Variants in POU6F2 observed in about 807,000 individuals in gnomAD.
POU6F2 encodes the protein POU domain, class 6, transcription factor 2.
In POU6F2, 31 loss-of-function variants were observed where a neutral mutation model predicts 71.3. The observed-to-expected ratio is 0.43, with a 90% CI of 0.33 to 0.59. POU6F2 has a LOEUF of 0.59. POU6F2 is among the 20% of genes least tolerant of loss of function. The pLI is 0.04. For synonymous variants in POU6F2, 347 were observed against 355.7 expected (o/e 0.98, Z 0.27); for missense variants, 783 against 856.8 (o/e 0.91, Z 1.07).
intron 1 of POU6F2, among the ~76,000 whole-genome samples, chr7:39,067,904 T>C (rs1370688327): frequency 6.6e-6 from 1 of 152,136 alleles, no homozygotes; most frequent in Non-Finnish European, 1.5e-5. Flanking sequence ...AAAAAAATTT[T>C]AAGGATAATA....
intron 1 of POU6F2, among the ~76,000 whole-genome samples, chr7:39,003,868 T>C (rs1788983975): frequency 6.6e-6 from 1 of 152,028 alleles, no homozygotes; most frequent in Non-Finnish European, 1.5e-5. Flanking sequence ...TAATGTTAAG[T>C]GAAAAAAAAT....
intron 5 of POU6F2, among the ~76,000 whole-genome samples, chr7:39,387,544 G>A (rs1038095335): frequency 2.0e-4 from 31 of 152,292 alleles, no homozygotes; most frequent in Middle Eastern, 3.4e-3. Context: ...ATATTGGAAT[G>A]TCAGGATCAA....
At chr7:39,443,908 G>C (rs1346171865) in intron 7 of POU6F2, among the ~76,000 whole-genome samples, 1 of 152,154 alleles carries the variant, frequency 6.6e-6, no homozygotes, top group East Asian at 1.9e-4. Context: ...AGTTCTGAAG[G>C]TAAAATATGT....
chr7:39,438,806 T>C (rs1341062418), intron 7 of POU6F2, among the ~76,000 whole-genome samples: 2 of 152,274 alleles, frequency 1.3e-5, no homozygotes, highest in Non-Finnish European at 2.9e-5. Context: ...ATAAGTGCCA[T>C]GTGGCACTGA....
At chr7:39,250,725 C>T (rs1319360019) in intron 4 of POU6F2, among the ~76,000 whole-genome samples, 2 of 152,160 alleles carry the variant, frequency 1.3e-5, no homozygotes, top group African/African-American at 2.4e-5. Context: ...TCACATTCAC[C>T]TCGGCCATTT....
intron 1 of POU6F2, among the ~76,000 whole-genome samples, chr7:39,062,099 G>A (rs1429958766): frequency 6.6e-6 from 1 of 152,110 alleles, no homozygotes; most frequent in Non-Finnish European, 1.5e-5. Flanking sequence ...CTTAGTGTGA[G>A]TTCATGGATA....
chr7:39,389,081 T>C (rs1477736174), intron 5 of POU6F2, among the ~76,000 whole-genome samples: 1 of 152,206 alleles, frequency 6.6e-6, no homozygotes, highest in Non-Finnish European at 1.5e-5. Flanking sequence ...TCTGTATTGG[T>C]CATAGTGTTA....
At chr7:39,093,723 T>C (rs1426775708) in intron 2 of POU6F2, among the ~76,000 whole-genome samples, 1 of 152,136 alleles carries the variant, frequency 6.6e-6, no homozygotes, top group African/African-American at 2.4e-5. Context: ...AAGACTGATA[T>C]TAACACAGTG....
intron 7 of POU6F2, among the ~76,000 whole-genome samples, chr7:39,449,340 T>C (rs1166834754): frequency 6.6e-6 from 1 of 152,148 alleles, no homozygotes; most frequent in East Asian, 1.9e-4. Flanking sequence ...GAAGGGGAAA[T>C]AGCTCCTTAA....
intron 2 of POU6F2, among the ~76,000 whole-genome samples, chr7:39,099,364 G>A (rs1562705568): frequency 6.6e-6 from 1 of 152,226 alleles, no homozygotes; most frequent in Non-Finnish European, 1.5e-5. Flanking sequence ...CCTCCCAGGG[G>A]CATCCGCTGT....
intron 2 of POU6F2, among the ~76,000 whole-genome samples, chr7:39,114,914 G>A (rs953909876): frequency 6.6e-6 from 1 of 152,132 alleles, no homozygotes; most frequent in Non-Finnish European, 1.5e-5. Flanking sequence ...ATAGACATGT[G>A]TGTGTTTGCA....
chr7:39,263,155 A>G (rs1784170720), intron 4 of POU6F2, among the ~76,000 whole-genome samples: 2 of 152,236 alleles, frequency 1.3e-5, no homozygotes, highest in Admixed American at 1.3e-4. Context: ...AATGTAAAAA[A>G]GTATTAAAAA....
At chr7:39,430,303 T>C (rs1328626590) in intron 6 of POU6F2, among the ~76,000 whole-genome samples, 1 of 152,194 alleles carries the variant, frequency 6.6e-6, no homozygotes, top group African/African-American at 2.4e-5. Flanking sequence ...GCTTCCTGAC[T>C]TTAGAACTGC....
At chr7:39,324,030 C>A (rs1201607390) in intron 4 of POU6F2, among the ~76,000 whole-genome samples, 2 of 151,622 alleles carry the variant, frequency 1.3e-5, no homozygotes, top group Non-Finnish European at 1.5e-5. Flanking sequence ...ATTGCTTAGA[C>A]CCTGGAGGCG....
At chr7:39,211,291 A>G (rs1794138902) in intron 4 of POU6F2, among the ~76,000 whole-genome samples, 1 of 152,154 alleles carries the variant, frequency 6.6e-6, no homozygotes, top group South Asian at 2.1e-4. Flanking sequence ...TGGATGACCC[A>G]CATGAAGGCA....
intron 4 of POU6F2, among the ~76,000 whole-genome samples, chr7:39,225,548 C>T (rs1456521222): frequency 1.3e-5 from 2 of 152,192 alleles, no homozygotes; most frequent in African/African-American, 4.8e-5. Flanking sequence ...CTGAATATTT[C>T]TGAAGAATTC....
chr7:39,345,558 ACAAT>A (rs917459282), intron 5 of POU6F2, among the ~76,000 whole-genome samples: 7 of 152,236 alleles, frequency 4.6e-5, no homozygotes, highest in African/African-American at 1.7e-4. Context: ...AAATGTTATG[ACAAT>A]CAAATAACTC....
intron 4 of POU6F2, among the ~76,000 whole-genome samples, chr7:39,302,286 G>C (rs1028196253): frequency 2.0e-5 from 3 of 152,154 alleles, no homozygotes; most frequent in Non-Finnish European, 2.9e-5. Flanking sequence ...CCCCACCACA[G>C]GAATAAAGAT....
intron 7 of POU6F2, among the ~76,000 whole-genome samples, chr7:39,443,170 C>T (rs1296091771): frequency 1.3e-5 from 2 of 152,164 alleles, no homozygotes. Context: ...CTAGTCTAAC[C>T]ACCACCACTG....
Sources: gnomAD v4.1 joint callset for allele counts (sites outside exome capture counted in the v4.1 genomes callset) on GRCh38, gnomAD v4.1.1 for gene constraint, MANE v1.5 for transcripts, NCBI Gene and HGNC (gene_info 2026-07-23, HGNC 2026-07-21) for gene names.